ADGRA3: variants seen among roughly 807,000 people sequenced by gnomAD.
ADGRA3 encodes adhesion G protein-coupled receptor A3, also known as G-protein coupled receptor 125.
Under a neutral mutation model 119.8 loss-of-function variants are expected in ADGRA3, and 56 were observed. The ratio of observed to expected loss-of-function variants is 0.47; its 90% CI spans 0.38 to 0.58. ADGRA3 has a LOEUF of 0.58. Ranked by LOEUF, ADGRA3 falls within the 20% of genes least tolerant of loss-of-function variation. The pLI, the probability that ADGRA3 is intolerant of heterozygous loss-of-function variation, is 0.00. For missense variants in ADGRA3, 1,516 were observed against 1,649.0 expected (o/e 0.92, Z 1.40); for synonymous variants, 607 against 623.8 (o/e 0.97, Z 0.40).
chr4:22,431,978 T>G (rs1221096314), intron 10 of ADGRA3, among the ~76,000 whole-genome samples: 1 of 152,104 alleles, frequency 6.6e-6, no homozygotes, highest in Admixed American at 6.6e-5. Context: ...TCAGTTAAAG[T>G]TGCAGTTTCC....
intron 2 of ADGRA3, among the ~76,000 whole-genome samples, chr4:22,469,691 T>C (rs1447502557): frequency 6.6e-6 from 1 of 152,192 alleles, no homozygotes; most frequent in Non-Finnish European, 1.5e-5. Flanking sequence ...CAGGGGATTC[T>C]GATGCACATG....
chr4:22,509,371 C>T (rs113059915), intron 1 of ADGRA3, among the ~76,000 whole-genome samples: 3 of 151,934 alleles, frequency 2.0e-5, no homozygotes, highest in Non-Finnish European at 4.4e-5. Flanking sequence ...GGCGTGGTGG[C>T]GTGCACCTGT....
chr4:22,395,325 A>G (rs1318553013), intron 16 of ADGRA3, among the ~76,000 whole-genome samples: 4 of 152,198 alleles, frequency 2.6e-5, no homozygotes, highest in African/African-American at 7.2e-5. Flanking sequence ...TGCATTATGC[A>G]TAACAATTGT....
At chr4:22,440,887 G>A (rs1716586802) in intron 7 of ADGRA3, among the ~76,000 whole-genome samples, 1 of 152,076 alleles carries the variant, frequency 6.6e-6, no homozygotes, top group Non-Finnish European at 1.5e-5. Flanking sequence ...CATTTCGAAC[G>A]ATTAATCGTA....
At chr4:22,398,039 A>G in intron 16 of ADGRA3, 1 of 982,128 alleles carries the variant, frequency 1.0e-6, no homozygotes. Flanking sequence ...AGAAAGACTG[A>G]GAACACAGAG....
At chr4:22,426,692 T>G (rs1381909470) in intron 10 of ADGRA3, among the ~76,000 whole-genome samples, 1 of 152,156 alleles carries the variant, frequency 6.6e-6, no homozygotes, top group East Asian at 1.9e-4. Context: ...ATAATGAAAT[T>G]TAATCCAAAC....
At chr4:22,418,547 A>T (rs1026874155) in intron 12 of ADGRA3, among the ~76,000 whole-genome samples, 1 of 152,150 alleles carries the variant, frequency 6.6e-6, no homozygotes, top group Non-Finnish European at 1.5e-5. Context: ...AGAGGAACCA[A>T]GGAAAGTTTG....
At chr4:22,397,061 C>A (rs1300188939) in intron 16 of ADGRA3, among the ~76,000 whole-genome samples, 1 of 152,062 alleles carries the variant, frequency 6.6e-6, no homozygotes, top group Non-Finnish European at 1.5e-5. Context: ...TTCTAATGTG[C>A]AGACAGAGGC....
chr4:22,508,403 C>T (rs574425600), intron 1 of ADGRA3, among the ~76,000 whole-genome samples: 3 of 152,316 alleles, frequency 2.0e-5, no homozygotes, highest in Admixed American at 2.0e-4. Context: ...GTATAAAAGA[C>T]TGACCCTTGG....
At chr4:22,392,837 A>AGAGTTGATTATTAGGATAGG in intron 16 of ADGRA3, 147 bp from the exon 17 acceptor site, 1 of 648,502 alleles carries the variant, frequency 1.5e-6, no homozygotes, top group Non-Finnish European at 2.6e-6. Flanking sequence ...CTAAGGCAAC[A>AGAGTTGATTATTAGGATAGG]CTGTGTTCTA....
At chr4:22,414,271 CACA>C in intron 12 of ADGRA3, 1 of 232,662 alleles carries the variant, frequency 4.3e-6, no homozygotes, top group Non-Finnish European at 8.3e-6. Flanking sequence ...CAAACCTCCA[CACA>C]ACAAAAGAAT....
chr4:22,422,019 A>G (rs1454445673), intron 11 of ADGRA3, among the ~76,000 whole-genome samples: 3 of 152,104 alleles, frequency 2.0e-5, no homozygotes, highest in Admixed American at 2.0e-4. Flanking sequence ...AAGTGAACCA[A>G]GGGGAACCAC....
intron 4 of ADGRA3, among the ~76,000 whole-genome samples, chr4:22,447,844 A>C (rs1029238416): frequency 2.0e-5 from 3 of 152,238 alleles, no homozygotes; most frequent in African/African-American, 7.2e-5. Context: ...CATCTAATTT[A>C]AGAAAGCAGC....
In ADGRA3 at chr4:22,481,311, A is replaced by C. The variant is rs545015009; in HGVS notation, c.258-7468T>G. On this transcript the variant is annotated intron_variant, in intron 1 of 18. Transcript: ENST00000334304. ...AGGAATGTTAACTCCTCAAAAATAA[A>C]TTTTCAGTGCTTTCCTTCATTTACC... Among the ~76,000 whole-genome samples, 25 of 152,150 alleles carry C rather than the reference A, an allele frequency of 1.6e-4. No homozygotes were observed. The South Asian group carries it at 5.2e-3, about 32-fold the overall frequency.
At position 22,428,726 on chromosome 4, in the gene ADGRA3, C is replaced by G. The variant is rs536445830; in HGVS notation, c.1444-4374G>C. Among the ~76,000 whole-genome samples the G allele has an allele frequency of 6.6e-5, 10 of 152,278 alleles. No homozygotes were observed. The East Asian group carries it at 1.3e-3, about 21-fold the overall frequency. ...TGATTAATGATGGAACTGCTGCATTCTGAAAGTCAAGTTTTAAAAGTGTAT... is the reference window on the plus strand; with the variant it reads ...TGATTAATGATGGAACTGCTGCATTGTGAAAGTCAAGTTTTAAAAGTGTAT... On this transcript the variant is annotated intron_variant, in intron 10 of 18. Transcript: ENST00000334304.
At chr4:22,471,599 G>A (rs769723891) in intron 2 of ADGRA3, among the ~76,000 whole-genome samples, 4 of 152,112 alleles carry the variant, frequency 2.6e-5, no homozygotes, top group East Asian at 3.9e-4. Context: ...CCAGGACTCC[G>A]GTCTGGACCT....
intron 16 of ADGRA3, among the ~76,000 whole-genome samples, chr4:22,400,925 T>C (rs1413367828): frequency 6.6e-6 from 1 of 152,162 alleles, no homozygotes. Flanking sequence ...TTTTTATATT[T>C]ATGCTGCAAG....
At chr4:22,452,114 G>A (rs975578575) in intron 4 of ADGRA3, among the ~76,000 whole-genome samples, 1 of 152,148 alleles carries the variant, frequency 6.6e-6, no homozygotes, top group African/African-American at 2.4e-5. Context: ...AATGTTGAAT[G>A]GTAAGAAGTT....
In ADGRA3 at chr4:22,494,296, T is replaced by C. The variant is rs547721916; in HGVS notation, c.258-20453A>G. On this transcript the variant is annotated intron_variant, in intron 1 of 18. Transcript: ENST00000334304. ...ACAGTTTACAGATGCCATGGCAACA[T>C]GAGGAAGTTACTCTATATGGTCTAA... 4.0e-5 allele frequency among the ~76,000 whole-genome samples: 6 copies of C among 151,776 alleles called. No homozygotes were observed. In the East Asian group the frequency reaches 9.7e-4, roughly 24 times the overall value.
Sources: allele counts gnomAD v4.1 joint callset (sites outside exome capture counted in the v4.1 genomes callset), GRCh38; gene constraint gnomAD v4.1.1; transcripts MANE v1.5; gene names NCBI Gene and HGNC (gene_info 2026-07-23, HGNC 2026-07-21).